Variants in ANK1 observed in about 807,000 individuals in gnomAD.
ANK1 encodes the protein ankyrin-1.
Under a neutral mutation model 210.4 loss-of-function variants are expected in ANK1, and 51 were observed. That is an observed-to-expected ratio of 0.24 (90% CI 0.19 to 0.31). The LOEUF (loss-of-function observed/expected upper bound fraction) is 0.31. ANK1 is among the 10% of genes least tolerant of loss of function. The probability of loss-of-function intolerance (pLI) is 1.00; values close to 1 mark genes in which losing one functional copy is unlikely to be tolerated. For synonymous variants in ANK1, 967 were observed against 1,025.9 expected (o/e 0.94, Z 1.10); for missense variants, 2,051 against 2,504.4 (o/e 0.82, Z 3.86).
chr8:41,704,111 G>T lies in ANK1; in HGVS notation c.2225C>A (p.Ala742Asp), dbSNP rs201492967. Residue 742 changes from alanine (A) to aspartate (D), a missense_variant, in exon 20 of 43, where the codon GCC (alanine) becomes GAC (aspartate). Around this residue, in one of 6 missense-constraint regions of ANK1, gnomAD observed 1,413 missense variants for 1,707.4 expected, o/e 0.83. Coordinates refer to ENST00000289734, the MANE Select transcript of ANK1 (RefSeq NM_000037.4). The surrounding 1 kb of genome is among the most constrained non-coding windows in gnomAD (Gnocchi z 4.1). ...KLGYSPLHQA[A>D]QQGHTDIVTL... ...CACGATGTCTGTGTGTCCCTGCTGGGCTGCCTGGTGCAGGGGGCTGTATCC... is the reference window on the plus strand; with the variant it reads ...CACGATGTCTGTGTGTCCCTGCTGGTCTGCCTGGTGCAGGGGGCTGTATCC... 2 of 1,614,132 alleles carry T rather than the reference G, an allele frequency of 1.2e-6. No individual in the cohort carries two copies. The highest frequency in any genetic ancestry group is 1.7e-6 in the Non-Finnish European group (2 of 1,180,016).
chr8:41,697,084 GC>G (rs11345214), intron 24 of ANK1, among the ~76,000 whole-genome samples: 134,219 of 152,162 alleles, frequency 0.88, 60,807 homozygotes, highest in South Asian at 0.99. Flanking sequence ...CTGCAGACCC[GC>G]CCCCCTTCTC....
Position 41,694,196 on chromosome 8 carries a change from G to A in ANK1, c.3328-94C>T. 7.4e-7 allele frequency: 1 copy of A among 1,345,434 alleles called. No individual in the cohort carries two copies. The highest frequency in any genetic ancestry group is 1.0e-6 in the Non-Finnish European group (1 of 969,414). 83.3% of individuals were successfully genotyped at this position (1,345,434 alleles called of 1,614,324 possible). A position where few individuals can be genotyped will look rare whatever the true frequency, so the allele number is the denominator to read the frequency against. On this transcript the variant is annotated intron_variant, in intron 28 of 42. Transcript: ENST00000289734. This position sits in a 1 kb window ranked among gnomAD's most constrained non-coding sequence, Gnocchi z 5.7. ...CCATGCCTGGTGAGAGTGGCCGTCA[G>A]TGCACGGGGTCCCGCCCTGCTGTTG...
chr8:41,772,702 A>G (rs1363559915), intron 1 of ANK1, among the ~76,000 whole-genome samples: 1 of 152,148 alleles, frequency 6.6e-6, no homozygotes, highest in East Asian at 1.9e-4. Context: ...TTGTGCCCCC[A>G]CGCTCCCTGT....
intron 26 of ANK1, 64 bp from the exon 27 acceptor site, chr8:41,695,395 G>A: frequency 6.2e-7 from 1 of 1,606,782 alleles, no homozygotes; most frequent in Non-Finnish European, 8.5e-7. Flanking sequence ...CACAGGGAGG[G>A]ATGGGGCTGC....
chr8:41,760,822 G>A (rs777972784), intron 1 of ANK1, among the ~76,000 whole-genome samples: 104 of 152,160 alleles, frequency 6.8e-4, no homozygotes, highest in Admixed American at 8.5e-4. Flanking sequence ...TGGGAGAAGC[G>A]TGTGACGCCA....
At chr8:41,684,440 G>A in intron 37 of ANK1, 104 bp downstream of exon 37, 1 of 1,538,178 alleles carries the variant, frequency 6.5e-7, no homozygotes, top group Non-Finnish European at 8.9e-7. Flanking sequence ...ATGGGAGGCA[G>A]AGCGGGCTTT....
chr8:41,812,687 G>A (rs114237668), intron 1 of ANK1, among the ~76,000 whole-genome samples: 1,920 of 152,286 alleles, frequency 0.013, 32 homozygotes, highest in African/African-American at 0.034. Context: ...TGGCACCAGG[G>A]ACCAGTTTTG....
At chr8:41,834,839 C>T (rs1212542658) in intron 1 of ANK1, among the ~76,000 whole-genome samples, 1 of 152,254 alleles carries the variant, frequency 6.6e-6, no homozygotes, top group Non-Finnish European at 1.5e-5. Context: ...GGTCTAAGCT[C>T]TGGATCCTGT....
At chr8:41,779,940 G>C (rs773704511) in intron 1 of ANK1, among the ~76,000 whole-genome samples, 6 of 152,238 alleles carry the variant, frequency 3.9e-5, no homozygotes, top group Non-Finnish European at 8.8e-5. Flanking sequence ...AGAGACATGG[G>C]ATCTGGCTGG....
intron 39 of ANK1, among the ~76,000 whole-genome samples, chr8:41,666,320 A>T (rs909810178): frequency 6.6e-6 from 1 of 152,254 alleles, no homozygotes; most frequent in African/African-American, 2.4e-5. Context: ...AGGAGGTTCT[A>T]TCGTCTTCCC....
At chr8:41,858,345 CAAAAA>C (rs59851207) in intron 1 of ANK1, among the ~76,000 whole-genome samples, 3 of 96,948 alleles carry the variant, frequency 3.1e-5, no homozygotes. Flanking sequence ...GACTCCATCT[CAAAAA>C]AAAAAAAAAA....
intron 1 of ANK1, among the ~76,000 whole-genome samples, chr8:41,803,006 A>AAAG (rs1850205709): frequency 1.2e-5 from 1 of 86,396 alleles, no homozygotes; most frequent in African/African-American, 5.5e-5. Flanking sequence ...AGAAAGAAAG[A>AAAG]AAGAAAGAAA....
rs781224628 is a variant in ANK1, at chr8:41,696,793, C to T, written c.2638-20G>A. The T allele has an allele frequency of 3.1e-6, 5 of 1,590,898 alleles. No individual in the cohort carries two copies. The highest frequency in any genetic ancestry group is 2.7e-5 in the African/African-American group (2 of 74,812). ...AGATGCCTGAGGAGAGAGAAAGGGT[C>T]CTCCTGTCCCACCTCCTCCCGGGCC... On this transcript the variant is annotated intron_variant, in intron 24 of 42. Transcript: ENST00000289734.
At chr8:41,767,663 G>C (rs950693497) in intron 1 of ANK1, among the ~76,000 whole-genome samples, 6 of 152,196 alleles carry the variant, frequency 3.9e-5, no homozygotes, top group African/African-American at 1.4e-4. Flanking sequence ...AAGGGGGTGC[G>C]CGCGGGGGCG....
At chr8:41,778,167 A>G (rs1471001873) in intron 1 of ANK1, among the ~76,000 whole-genome samples, 1 of 152,242 alleles carries the variant, frequency 6.6e-6, no homozygotes, top group Admixed American at 6.5e-5. Flanking sequence ...ACACAAAAAA[A>G]GTAAAGGCTG....
At chr8:41,782,613 C>T (rs764250125) in intron 1 of ANK1, among the ~76,000 whole-genome samples, 4 of 152,116 alleles carry the variant, frequency 2.6e-5, no homozygotes, top group Non-Finnish European at 4.4e-5. Context: ...AGGACGGGGC[C>T]GCCTGTTGAG....
At position 41,861,745 on chromosome 8, in the gene ANK1, T is replaced by C. The variant is rs77301378; in HGVS notation, c.126+34610A>G. The stretch of plus-strand genomic sequence containing the variant: ...CCCAAGCCCTCCGAGGAAATACCCA[T>C]GGACAGGTATCTGGGAGGACCCAAG... On this transcript the variant is annotated intron_variant, in intron 1 of 42. Transcript: ENST00000265709. Among the ~76,000 whole-genome samples, 471 of 152,356 alleles carry C rather than the reference T, an allele frequency of 3.1e-3. 4 individuals are homozygous for C. Among genetic ancestry groups the C allele is most frequent in the African/African-American group, 0.011 (442 of 41,592 alleles).
At chr8:41,768,203 G>C (rs1327863822) in intron 1 of ANK1, among the ~76,000 whole-genome samples, 1 of 152,224 alleles carries the variant, frequency 6.6e-6, no homozygotes, top group Non-Finnish European at 1.5e-5. Flanking sequence ...ACATCATCAA[G>C]AGTAGGCTCA....
At chr8:41,814,568 T>C (rs910912094) in intron 1 of ANK1, among the ~76,000 whole-genome samples, 9 of 152,138 alleles carry the variant, frequency 5.9e-5, no homozygotes, top group Admixed American at 1.3e-4. Context: ...TGAATCTCCT[T>C]AAAGAAGCTT....
Sources: gnomAD v4.1 joint callset for allele counts (sites outside exome capture counted in the v4.1 genomes callset) on GRCh38, gnomAD v4.1.1 for gene constraint, gnomAD v4.1.1 regional missense constraint, Gnocchi (gnomAD v3.1) non-coding constraint, MANE v1.5 for transcripts, NCBI Gene and HGNC (gene_info 2026-07-23, HGNC 2026-07-21) for gene names.